The following GPC5 variants were observed in gnomAD, a reference collection of about 807,000 sequenced individuals.
GPC5 encodes the protein glypican-5.
A neutral mutation model predicts 53.9 loss-of-function variants in GPC5; 47 were observed. The ratio of observed to expected loss-of-function variants is 0.87; its 90% CI spans 0.69 to 1.11. The LOEUF (loss-of-function observed/expected upper bound fraction) is 1.11, where lower values mean the gene tolerates loss of function less well. Among genes scored for constraint, GPC5 ranks in the 50% most tolerant of loss-of-function variants. The probability of loss-of-function intolerance (pLI) is 0.00; values close to 1 mark genes in which losing one functional copy is unlikely to be tolerated. For missense variants in GPC5, 748 were observed against 713.1 expected, an observed-to-expected ratio of 1.05 and a Z score of -0.56; for synonymous variants, 286 against 263.3, an observed-to-expected ratio of 1.09 and a Z score of -0.84.
intron 2 of GPC5, among the ~76,000 whole-genome samples, chr13:91,649,667 A>G (rs1397487467): frequency 6.6e-6 from 1 of 152,174 alleles, no homozygotes; most frequent in Non-Finnish European, 1.5e-5. Context: ...GAATGTCTAT[A>G]TTGATCAGCA....
Position 92,389,129 on chromosome 13 carries a change from G to A in GPC5, c.1561+244140G>A, listed in dbSNP as rs556488716. Among the ~76,000 whole-genome samples the A allele has an allele frequency of 3.9e-5, 6 of 152,200 alleles. No homozygotes were observed. In the South Asian group the frequency reaches 1.2e-3, roughly 32 times the overall value. ...GATATTGATTTAATGGTAGCTAAGT[G>A]CAAGGAATGTGCTGGTTGTTTCAAA... On this transcript the variant is annotated intron_variant, in intron 7 of 7. Coordinates refer to ENST00000377067, the MANE Select transcript of GPC5 (RefSeq NM_004466.6).
chr13:92,577,015 G>C (rs1318874925), intron 7 of GPC5, among the ~76,000 whole-genome samples: 1 of 152,096 alleles, frequency 6.6e-6, no homozygotes, highest in Non-Finnish European at 1.5e-5. Flanking sequence ...GGATCATTCA[G>C]ACATATTACC....
chr13:92,698,649 A>G (rs1373100025), intron 7 of GPC5, among the ~76,000 whole-genome samples: 1 of 152,182 alleles, frequency 6.6e-6, no homozygotes, highest in Non-Finnish European at 1.5e-5. Context: ...TCTTTATAGC[A>G]GCATGATTTA....
intron 7 of GPC5, among the ~76,000 whole-genome samples, chr13:92,559,860 GCCT>G (rs933204746): frequency 9.3e-5 from 14 of 150,962 alleles, no homozygotes; most frequent in African/African-American, 3.2e-4. Context: ...CCTCTCCACC[GCCT>G]CCTCATATGA....
intron 2 of GPC5, among the ~76,000 whole-genome samples, chr13:91,609,371 C>T (rs1572432): frequency 0.19 from 29,566 of 151,846 alleles, 3,038 homozygotes; most frequent in African/African-American, 0.25. Flanking sequence ...TAGCCAAAAA[C>T]AATACAAGAG....
At chr13:92,476,689 A>G (rs1316728215) in intron 7 of GPC5, among the ~76,000 whole-genome samples, 4 of 149,426 alleles carry the variant, frequency 2.7e-5, no homozygotes, top group Non-Finnish European at 4.4e-5. Flanking sequence ...TGTGGCGCAT[A>G]TACACCATGG....
intron 7 of GPC5, among the ~76,000 whole-genome samples, chr13:92,833,171 T>C (rs1878107174): frequency 6.6e-6 from 1 of 152,182 alleles, no homozygotes. Flanking sequence ...CAGATAGATA[T>C]TTCAATTTGA....
At chr13:92,594,502 A>C (rs1396932796) in intron 7 of GPC5, among the ~76,000 whole-genome samples, 1 of 152,204 alleles carries the variant, frequency 6.6e-6, no homozygotes, top group Non-Finnish European at 1.5e-5. Context: ...CCAGGCCTAC[A>C]CCAGTGCCCT....
intron 7 of GPC5, among the ~76,000 whole-genome samples, chr13:92,575,069 A>G (rs1316246261): frequency 1.3e-5 from 2 of 152,176 alleles, no homozygotes; most frequent in Admixed American, 6.5e-5. Flanking sequence ...AATAGTTTCC[A>G]TCTTCTCTAC....
intron 5 of GPC5, among the ~76,000 whole-genome samples, chr13:91,907,704 G>A (rs1233901361): frequency 6.6e-6 from 1 of 151,626 alleles, no homozygotes; most frequent in Non-Finnish European, 1.5e-5. Context: ...GTAATTTCTG[G>A]TTGGGTCCAT....
At chr13:91,449,668 T>G (rs1191668203) in intron 2 of GPC5, among the ~76,000 whole-genome samples, 1 of 152,204 alleles carries the variant, frequency 6.6e-6, no homozygotes, top group Non-Finnish European at 1.5e-5. Context: ...GTTAATTGGA[T>G]GTTTAAGGGT....
intron 7 of GPC5, among the ~76,000 whole-genome samples, chr13:92,594,662 A>G (rs1883811144): frequency 6.6e-6 from 1 of 152,222 alleles, no homozygotes; most frequent in Admixed American, 6.5e-5. Flanking sequence ...AACATGTCTC[A>G]GGCTGCTTCC....
At position 92,648,550 on chromosome 13, in the gene GPC5, T is replaced by G. The variant is rs1374443049; in HGVS notation, c.1562-217732T>G. Among the ~76,000 whole-genome samples the G allele has an allele frequency of 1.3e-5, 2 of 152,118 alleles. 1 individual carries two copies. The stretch of plus-strand genomic sequence containing the variant: ...TTTCCAAATTAATTAGTTATTTCAA[T>G]GTTTTTGCCCTATTTTGATTTGTCC... On this transcript the variant is annotated intron_variant, in intron 7 of 7. Coordinates refer to ENST00000377067, the MANE Select transcript of GPC5 (RefSeq NM_004466.6).
chr13:92,163,171 A>G (rs2042002582), intron 7 of GPC5, among the ~76,000 whole-genome samples: 1 of 152,016 alleles, frequency 6.6e-6, no homozygotes. Context: ...ATAAGAATAA[A>G]TTTGATGGGG....
chr13:92,397,510 G>T (rs891069987), intron 7 of GPC5, among the ~76,000 whole-genome samples: 4 of 152,142 alleles, frequency 2.6e-5, no homozygotes, highest in Admixed American at 1.3e-4. Flanking sequence ...TATTAGCAGC[G>T]TGAAAACGGA....
chr13:92,854,921 G>A (rs1030542624), intron 7 of GPC5, among the ~76,000 whole-genome samples: 1 of 151,544 alleles, frequency 6.6e-6, no homozygotes, highest in East Asian at 1.9e-4. Flanking sequence ...TATTTTTGTT[G>A]CCTATGCTTC....
intron 6 of GPC5, among the ~76,000 whole-genome samples, chr13:92,053,285 A>T (rs1187385706): frequency 1.3e-5 from 2 of 152,132 alleles, no homozygotes; most frequent in East Asian, 3.9e-4. Flanking sequence ...GTCACAGAAG[A>T]TTCATACATA....
chr13:92,791,454 T>C (rs1021445756), intron 7 of GPC5, among the ~76,000 whole-genome samples: 1 of 151,092 alleles, frequency 6.6e-6, no homozygotes. Context: ...GTGTATGAAG[T>C]GTCCTCACAA....
Position 91,795,460 on chromosome 13 carries a change from A to T in GPC5, c.1280+39040A>T, listed in dbSNP as rs370237335. Among the ~76,000 whole-genome samples the T allele has an allele frequency of 1.5e-3, 232 of 152,216 alleles. 1 individual carries two copies. In the Middle Eastern group the frequency reaches 0.038, roughly 25 times the overall value. Reference sequence around the variant, plus strand: ...TTCACATTATTAAATAGATATTTTTATTGCTGTTTCTTGGCATATCTATTT... The same window carrying T: ...TTCACATTATTAAATAGATATTTTTTTTGCTGTTTCTTGGCATATCTATTT... On this transcript the variant is annotated intron_variant, in intron 5 of 7. Coordinates refer to ENST00000377067, the MANE Select transcript of GPC5 (RefSeq NM_004466.6).
Sources: allele counts gnomAD v4.1 joint callset (sites outside exome capture counted in the v4.1 genomes callset), GRCh38; gene constraint gnomAD v4.1.1; transcripts MANE v1.5; gene names NCBI Gene and HGNC (gene_info 2026-07-23, HGNC 2026-07-21).